EPHA5: variants seen among roughly 807,000 people sequenced by gnomAD.
The protein encoded by EPHA5 is ephrin type-A receptor 5.
In EPHA5, 60 loss-of-function variants were observed where a neutral mutation model predicts 105.0. That is an observed-to-expected ratio of 0.57 (90% CI 0.46 to 0.71). The LOEUF is 0.71. EPHA5 is among the 30% of genes least tolerant of loss of function. The probability of loss-of-function intolerance (pLI) is 0.00; values close to 1 mark genes in which losing one functional copy is unlikely to be tolerated. For missense variants in EPHA5, 1,218 were observed against 1,274.7 expected (o/e 0.96, Z 0.68); for synonymous variants, 513 against 449.1 (o/e 1.14, Z -1.80).
At chr4:65,491,528 C>G (rs1469763540) in intron 4 of EPHA5, among the ~76,000 whole-genome samples, 1 of 151,956 alleles carries the variant, frequency 6.6e-6, no homozygotes, top group Non-Finnish European at 1.5e-5. Context: ...AGATTTAACA[C>G]AAATATTTTC....
At chr4:65,440,817 T>C (rs1473706067) in intron 5 of EPHA5, among the ~76,000 whole-genome samples, 1 of 152,046 alleles carries the variant, frequency 6.6e-6, no homozygotes, top group African/African-American at 2.4e-5. Context: ...GAGCCATTTT[T>C]AGTGGCCCAT....
intron 5 of EPHA5, among the ~76,000 whole-genome samples, chr4:65,475,982 T>C (rs557744404): frequency 1.3e-5 from 2 of 152,190 alleles, no homozygotes; most frequent in African/African-American, 4.8e-5. Flanking sequence ...CAAACAACCC[T>C]GATTAAGGGT....
At chr4:65,393,443 C>T (rs549481056) in intron 8 of EPHA5, among the ~76,000 whole-genome samples, 4 of 152,148 alleles carry the variant, frequency 2.6e-5, no homozygotes, top group Non-Finnish European at 5.9e-5. Flanking sequence ...ACACAGTGAC[C>T]ATTTCCCCTT....
At chr4:65,371,725 T>A (rs1256061935) in intron 8 of EPHA5, among the ~76,000 whole-genome samples, 1 of 151,936 alleles carries the variant, frequency 6.6e-6, no homozygotes, top group African/African-American at 2.4e-5. Context: ...CAAAACAGAG[T>A]GTAAATCCTT....
chr4:65,360,555 C>A (rs1717192155), intron 11 of EPHA5, among the ~76,000 whole-genome samples: 1 of 151,458 alleles, frequency 6.6e-6, no homozygotes, highest in African/African-American at 2.4e-5. Context: ...AAAACAAATA[C>A]TAATGTCTAT....
chr4:65,643,263 T>A lies in EPHA5; in HGVS notation c.246+100A>T. 4.1e-6 allele frequency: 4 copies of A among 965,002 alleles called. No individual in the cohort carries two copies. The South Asian group carries it at 5.7e-5, about 14-fold the overall frequency. 59.8% of individuals were successfully genotyped at this position (965,002 alleles called of 1,614,324 possible). ...AACACACACATAGCACCTCCTGTCTTAACAACATATACATCCAGTACATAT... is the reference window on the plus strand; with the variant it reads ...AACACACACATAGCACCTCCTGTCTAAACAACATATACATCCAGTACATAT... On this transcript the variant is annotated intron_variant, in intron 2 of 16. Transcript: ENST00000613740.
intron 2 of EPHA5, among the ~76,000 whole-genome samples, chr4:65,635,346 A>T (rs889841018): frequency 2.6e-5 from 4 of 152,170 alleles, no homozygotes; most frequent in Non-Finnish European, 5.9e-5. Flanking sequence ...ATGATTATGA[A>T]TGATCCTAAA....
chr4:65,525,876 A>T (rs1735179921), intron 3 of EPHA5, among the ~76,000 whole-genome samples: 1 of 151,876 alleles, frequency 6.6e-6, no homozygotes, highest in African/African-American at 2.4e-5. Flanking sequence ...ATGAACAAAG[A>T]CTTTTAAAAA....
chr4:65,541,847 C>T (rs1415225218), intron 3 of EPHA5, among the ~76,000 whole-genome samples: 8 of 151,944 alleles, frequency 5.3e-5, no homozygotes, highest in Non-Finnish European at 1.5e-5. Flanking sequence ...GGAAGTAAAA[C>T]ACTCCTCAGC....
chr4:65,391,045 A>AGGAAG (rs1211034693), intron 8 of EPHA5, among the ~76,000 whole-genome samples: 2 of 152,072 alleles, frequency 1.3e-5, no homozygotes, highest in Non-Finnish European at 2.9e-5. Flanking sequence ...ATAAGGCAGC[A>AGGAAG]GGAAGGAGAA....
chr4:65,652,194 A>T (rs1013651412), intron 1 of EPHA5, among the ~76,000 whole-genome samples: 2 of 152,316 alleles, frequency 1.3e-5, no homozygotes, highest in Admixed American at 6.5e-5. Flanking sequence ...TTTCAAAAAC[A>T]AAACATTGTC....
intron 3 of EPHA5, among the ~76,000 whole-genome samples, chr4:65,566,226 A>G (rs1175235753): frequency 6.6e-6 from 1 of 151,768 alleles, no homozygotes; most frequent in East Asian, 1.9e-4. Flanking sequence ...AAAGATGTTC[A>G]GTGTACATGT....
At chr4:65,416,023 A>G (rs1723351506) in intron 6 of EPHA5, among the ~76,000 whole-genome samples, 1 of 152,042 alleles carries the variant, frequency 6.6e-6, no homozygotes, top group African/African-American at 2.4e-5. Flanking sequence ...TATTGTTTAA[A>G]AGCAATATTT....
intron 2 of EPHA5, among the ~76,000 whole-genome samples, chr4:65,613,605 A>T (rs1378022913): frequency 1.3e-5 from 2 of 151,942 alleles, no homozygotes; most frequent in Non-Finnish European, 2.9e-5. Context: ...TTAGTTAAAT[A>T]TATTAAGAAT....
In EPHA5 at chr4:65,357,547, C is replaced by T. The variant is rs145865947; in HGVS notation, c.2174-4444G>A. 5.7e-4 allele frequency among the ~76,000 whole-genome samples: 87 copies of T among 151,428 alleles called. 1 individual carries two copies. Among genetic ancestry groups the T allele is most frequent in the Admixed American group, 2.3e-3 (35 of 15,124 alleles). Reference sequence around the variant, plus strand: ...TAAATATTCTATTTTTATATATGCTCATTACCCACATATGATCCAAGCAGT... The same window carrying T: ...TAAATATTCTATTTTTATATATGCTTATTACCCACATATGATCCAAGCAGT... On this transcript the variant is annotated intron_variant, in intron 11 of 16. Transcript: ENST00000613740.
At chr4:65,373,825 G>A (rs188261692) in intron 8 of EPHA5, among the ~76,000 whole-genome samples, 1 of 151,876 alleles carries the variant, frequency 6.6e-6, no homozygotes, top group African/African-American at 2.4e-5. Context: ...ATCCCTCAGA[G>A]GATGGAGTAA....
chr4:65,535,433 C>T (rs1038537781), intron 3 of EPHA5, among the ~76,000 whole-genome samples: 1 of 152,052 alleles, frequency 6.6e-6, no homozygotes, highest in African/African-American at 2.4e-5. Context: ...AAGTCTCAAA[C>T]CAGAGTTTCT....
intron 11 of EPHA5, 102 bp downstream of exon 11, chr4:65,364,915 T>A (rs1717711347): frequency 2.2e-6 from 2 of 916,920 alleles, no homozygotes. Context: ...ATTAGAGAAA[T>A]TAATATATTA....
intron 3 of EPHA5, among the ~76,000 whole-genome samples, chr4:65,535,254 G>T (rs578199695): frequency 6.6e-6 from 1 of 152,142 alleles, no homozygotes; most frequent in South Asian, 2.1e-4. Flanking sequence ...TGGATAACTT[G>T]CTCTGTTCCC....
Sources: allele counts gnomAD v4.1 joint callset (sites outside exome capture counted in the v4.1 genomes callset), GRCh38; gene constraint gnomAD v4.1.1; transcripts MANE v1.5; gene names NCBI Gene and HGNC (gene_info 2026-07-23, HGNC 2026-07-21).